Variants in DNAH5 observed in about 807,000 individuals in gnomAD.
The protein encoded by DNAH5 is dynein axonemal heavy chain 5, also known as axonemal beta dynein heavy chain 5.
In DNAH5, 372 loss-of-function variants were observed where a neutral mutation model predicts 518.2. The ratio of observed to expected loss-of-function variants is 0.72; its 90% confidence interval spans 0.66 to 0.78. DNAH5 has a LOEUF of 0.78. Ranked by LOEUF, DNAH5 falls within the 30% of genes least tolerant of loss-of-function variation. The pLI is 0.00. For missense variants in DNAH5, 5,523 were observed against 5,687.0 expected, an observed-to-expected ratio of 0.97 and a Z score of 0.93; for synonymous variants, 2,039 against 2,025.9, an observed-to-expected ratio of 1.01 and a Z score of -0.17.
chr5:13,921,750 A>ACAC lies in DNAH5; in HGVS notation c.660+356_660+357insGTG, dbSNP rs1554104145. ...CCACCTCCATCTGCCGCCCACACAC[A>ACAC]CCCCCCCACACACACACACACTTCA... On this transcript the variant is annotated intron_variant, in intron 5 of 78. Coordinates refer to ENST00000265104, the MANE Select transcript of DNAH5 (RefSeq NM_001369.3). Among the ~76,000 whole-genome samples, 35 of 134,378 alleles carry ACAC rather than the reference A, an allele frequency of 2.6e-4. 1 individual carries two copies. Among genetic ancestry groups the ACAC allele is most frequent in the Non-Finnish European group, 4.1e-4 (26 of 63,602 alleles). 88.2% of individuals were successfully genotyped at this position (134,378 alleles called of 152,430 possible).
At chr5:13,994,056 C>T (rs539572009) in intron 1 of DNAH5, among the ~76,000 whole-genome samples, 6 of 152,196 alleles carry the variant, frequency 3.9e-5, no homozygotes, top group Non-Finnish European at 7.3e-5. Flanking sequence ...CTCTGCTCAC[C>T]TCTGACCCGG....
intron 51 of DNAH5, among the ~76,000 whole-genome samples, chr5:13,787,124 G>A (rs1756152773): frequency 6.6e-6 from 1 of 151,662 alleles, no homozygotes; most frequent in African/African-American, 2.4e-5. Context: ...GGAGGCTGAG[G>A]CAGGAGAATC....
intron 1 of DNAH5, among the ~76,000 whole-genome samples, chr5:13,949,756 C>T (rs145423662): frequency 7.5e-4 from 114 of 152,284 alleles, no homozygotes; most frequent in African/African-American, 2.6e-3. Context: ...TGGGCACTAA[C>T]GGAGGGATAC....
chr5:13,778,537 GAGAAGA>G (rs1260338973), intron 53 of DNAH5, among the ~76,000 whole-genome samples: 9 of 69,388 alleles, frequency 1.3e-4, no homozygotes, highest in African/African-American at 4.2e-4. Flanking sequence ...GAGAGAGAGA[GAGAAGA>G]AAGAAAGAAA....
intron 1 of DNAH5, among the ~76,000 whole-genome samples, chr5:13,967,584 T>C (rs1781608926): frequency 6.6e-6 from 1 of 152,148 alleles, no homozygotes; most frequent in Non-Finnish European, 1.5e-5. Flanking sequence ...TATAGCCTTA[T>C]AGTATAGTTT....
At chr5:13,823,232 C>T in intron 40 of DNAH5, 31 bp downstream of exon 40, 1 of 1,381,790 alleles carries the variant, frequency 7.2e-7, no homozygotes, top group Non-Finnish European at 1.0e-6. Context: ...GAAACAGACA[C>T]CAGCCCTCGT....
At chr5:13,879,394 T>C (rs1206034992) in intron 21 of DNAH5, among the ~76,000 whole-genome samples, 2 of 152,104 alleles carry the variant, frequency 1.3e-5, no homozygotes, top group South Asian at 2.1e-4. Context: ...AGTAAGCCTA[T>C]TGTAAAGTTA....
chr5:13,906,142 C>T (rs968529897), intron 12 of DNAH5, among the ~76,000 whole-genome samples: 6 of 152,162 alleles, frequency 3.9e-5, no homozygotes, highest in African/African-American at 1.4e-4. Flanking sequence ...GGGGACTTTT[C>T]GGTAGGAAAA....
intron 35 of DNAH5, among the ~76,000 whole-genome samples, chr5:13,834,918 T>C (rs1764172089): frequency 6.6e-6 from 1 of 152,210 alleles, no homozygotes; most frequent in African/African-American, 2.4e-5. Context: ...ACTTACATTC[T>C]GGTGTCTGAA....
intron 50 of DNAH5, 66 bp downstream of exon 50, chr5:13,791,928 T>A: frequency 7.4e-7 from 1 of 1,351,990 alleles, no homozygotes; most frequent in Non-Finnish European, 1.0e-6. Flanking sequence ...AATAAATCAA[T>A]AAAAATATTT....
At chr5:13,906,621 C>G (rs1013656290) in intron 12 of DNAH5, among the ~76,000 whole-genome samples, 3 of 152,092 alleles carry the variant, frequency 2.0e-5, no homozygotes, top group Admixed American at 2.0e-4. Flanking sequence ...AAAATACTGA[C>G]ATAAAGTATT....
At position 13,862,595 on chromosome 5, in the gene DNAH5, G is replaced by A; in HGVS notation, c.4749C>T (p.Ala1583=). The change falls in exon 29 of 79, where the codon GCC becomes GCT. Residue 1583 remains alanine, a synonymous_variant. Transcript: ENST00000265104. ...LRGDSTSEII[A]NMEDSLMLLG... ...GCAACATCAAGCTGTCCTCCATGTT[G>A]GCGATGATTTCCGAGGTACTGTCTC... 1.2e-6 allele frequency: 2 copies of A among 1,614,000 alleles called. No homozygotes were observed. Among genetic ancestry groups the A allele is most frequent in the Non-Finnish European group, 1.7e-6 (2 of 1,179,960 alleles).
intron 1 of DNAH5, among the ~76,000 whole-genome samples, chr5:13,985,749 T>A (rs1450662061): frequency 6.6e-6 from 1 of 151,966 alleles, no homozygotes; most frequent in Non-Finnish European, 1.5e-5. Flanking sequence ...TTCCTGTGGG[T>A]AGAACTTGGT....
intron 50 of DNAH5, among the ~76,000 whole-genome samples, chr5:13,790,032 T>C (rs1756704671): frequency 6.6e-6 from 1 of 152,140 alleles, no homozygotes; most frequent in Non-Finnish European, 1.5e-5. Flanking sequence ...AAGGCTATTA[T>C]TAAAAAGTCA....
chr5:13,764,158 C>T (rs964076689), intron 59 of DNAH5, among the ~76,000 whole-genome samples: 1 of 152,084 alleles, frequency 6.6e-6, no homozygotes, highest in Admixed American at 6.5e-5. Flanking sequence ...AAAGAAAAGA[C>T]AATAAAGCTT....
chr5:13,739,487 T>G (rs1452077094), intron 65 of DNAH5, among the ~76,000 whole-genome samples: 1 of 152,148 alleles, frequency 6.6e-6, no homozygotes, highest in African/African-American at 2.4e-5. Context: ...GTGAGTCAAT[T>G]AAACCTCTTT....
intron 55 of DNAH5, among the ~76,000 whole-genome samples, chr5:13,774,865 T>C (rs537393672): frequency 6.6e-6 from 1 of 152,238 alleles, no homozygotes; most frequent in South Asian, 2.1e-4. Context: ...CATATGTAAA[T>C]CATCTTAATT....
chr5:13,930,779 C>T (rs368308270), intron 2 of DNAH5, among the ~76,000 whole-genome samples: 6 of 152,170 alleles, frequency 3.9e-5, no homozygotes, highest in Admixed American at 6.5e-5. Context: ...GCACAAAAGA[C>T]GAATCGGCAA....
At chr5:13,781,745 C>T (rs1755174941) in intron 52 of DNAH5, among the ~76,000 whole-genome samples, 1 of 152,060 alleles carries the variant, frequency 6.6e-6, no homozygotes, top group Non-Finnish European at 1.5e-5. Flanking sequence ...AAACCTTTTC[C>T]TTCCCAGTCT....
Sources: gnomAD v4.1 joint callset for allele counts (sites outside exome capture counted in the v4.1 genomes callset) on GRCh38, gnomAD v4.1.1 for gene constraint, MANE v1.5 for transcripts, NCBI Gene and HGNC (gene_info 2026-07-23, HGNC 2026-07-21) for gene names.